The following ZFP91 variants were observed in gnomAD, a reference collection of about 807,000 sequenced individuals.
ZFP91 encodes the protein ZFP91 zinc finger protein, atypical E3 ubiquitin ligase.
In ZFP91, 7 loss-of-function variants were observed where a neutral mutation model predicts 63.5. The ratio of observed to expected loss-of-function variants is 0.11; its 90% CI spans 0.06 to 0.21. The LOEUF is 0.21. ZFP91 is among the 10% of genes least tolerant of loss of function. The probability of loss-of-function intolerance (pLI) is 1.00; values close to 1 mark genes in which losing one functional copy is unlikely to be tolerated. For missense variants in ZFP91, 628 were observed against 736.6 expected, an observed-to-expected ratio of 0.85 and a Z score of 1.71; for synonymous variants, 330 against 272.1, an observed-to-expected ratio of 1.21 and a Z score of -2.10.
intron 2 of ZFP91, among the ~76,000 whole-genome samples, chr11:58,604,730 A>G (rs1855543693): frequency 6.6e-6 from 1 of 152,146 alleles, no homozygotes; most frequent in Non-Finnish European, 1.5e-5. Context: ...ACACATTATG[A>G]GTTCTTTTTT....
At chr11:58,610,891 A>G in intron 4 of ZFP91, 59 bp from the exon 5 acceptor site, 1 of 1,493,908 alleles carries the variant, frequency 6.7e-7, no homozygotes. Flanking sequence ...ACCAAATAAA[A>G]TCCCCTCAGA....
At chr11:58,583,082 T>C (rs937536413) in intron 1 of ZFP91, among the ~76,000 whole-genome samples, 1 of 152,160 alleles carries the variant, frequency 6.6e-6, no homozygotes, top group Admixed American at 6.5e-5. Context: ...TAAAATCTAG[T>C]AGCATTAGTA....
intron 2 of ZFP91, among the ~76,000 whole-genome samples, chr11:58,598,931 C>T (rs1018386637): frequency 1.3e-5 from 2 of 152,032 alleles, no homozygotes; most frequent in Non-Finnish European, 2.9e-5. Context: ...ACAAAGGAGA[C>T]CCCTGTACCC....
chr11:58,589,900 TATTTC>T (rs1855275828), intron 2 of ZFP91, among the ~76,000 whole-genome samples: 1 of 152,236 alleles, frequency 6.6e-6, no homozygotes, highest in African/African-American at 2.4e-5. Context: ...ATCATCAGCT[TATTTC>T]AGTTATGGGA....
chr11:58,610,018 A>G lies in ZFP91; in HGVS notation c.559A>G (p.Asn187Asp), dbSNP rs1855633003. Residue 187 changes from asparagine (N) to aspartate (D), a missense_variant, in exon 3 of 11, where the codon AAT (asparagine) becomes GAT (aspartate). Physicochemically the swap from Asn to Asp is conservative, Grantham distance 23. This residue lies in a region of ZFP91 where 437 missense variants were observed against 380.3 expected (regional missense o/e 1.15). Coordinates refer to ENST00000316059, the MANE Select transcript of ZFP91 (RefSeq NM_053023.5). ...SLQLICKSEP[N>D]TDQLDYDVGE... is the part of the protein sequence containing the mutation. ...GCAGCTCATTTGCAAGTCAGAACCA[A>G]ATACAGACCAACTTGATTATGGTAC... is the stretch of plus-strand genomic sequence containing the variant. The G allele has an allele frequency of 3.1e-6, 5 of 1,614,210 alleles. No homozygotes were observed. Among genetic ancestry groups the G allele is most frequent in the Non-Finnish European group, 4.2e-6 (5 of 1,180,028 alleles).
chr11:58,590,252 G>C (rs1280089009), intron 2 of ZFP91, among the ~76,000 whole-genome samples: 1 of 152,206 alleles, frequency 6.6e-6, no homozygotes, highest in East Asian at 1.9e-4. Context: ...TGACTGTTAA[G>C]TTCAAGAAAG....
intron 2 of ZFP91, among the ~76,000 whole-genome samples, chr11:58,600,622 TCTTC>T (rs1333957231): frequency 6.6e-6 from 1 of 152,158 alleles, no homozygotes; most frequent in Non-Finnish European, 1.5e-5. Context: ...CAGTTTTACT[TCTTC>T]CTTTTCACTT....
rs749072977 is a variant in ZFP91, at chr11:58,617,689, G to C, written c.1696G>C (p.Asp566His). The C allele has an allele frequency of 1.3e-6, 2 of 1,509,592 alleles. No individual in the cohort carries two copies. The allele number at this position is 1,509,592 out of a possible 1,614,324, so 93.5% of individuals were successfully genotyped here. ...ATTEVLIEDS[D>H]SAGP ...CACAGAGGTTCTGATTGAAGATTCA[G>C]ACTCTGCCGGACCTTAGTGGACAGG... Residue 566 changes from aspartate (D) to histidine (H), a missense_variant, in exon 11 of 11, where the codon GAC (aspartate) becomes CAC (histidine). Physicochemically the swap from Asp to His is moderately conservative, Grantham distance 81. This residue lies in a region of ZFP91 where 115 missense variants were observed against 125.4 expected (regional missense o/e 0.92). Coordinates refer to ENST00000316059, the MANE Select transcript of ZFP91 (RefSeq NM_053023.5). This position sits in a 1 kb window ranked among gnomAD's most constrained non-coding sequence, Gnocchi z 4.2.
At chr11:58,616,672 C>T in intron 9 of ZFP91, 44 bp from the exon 10 acceptor site, 2 of 1,527,204 alleles carry the variant, frequency 1.3e-6, no homozygotes, top group South Asian at 1.1e-5. Flanking sequence ...AAAATATTTA[C>T]AGGGTATCTA....
chr11:58,593,684 T>C (rs1855346973), intron 2 of ZFP91, among the ~76,000 whole-genome samples: 1 of 152,248 alleles, frequency 6.6e-6, no homozygotes, highest in Non-Finnish European at 1.5e-5. Context: ...TAGCCCGCCC[T>C]GTCCTTTGAA....
chr11:58,610,541 G>A (rs913371672), intron 4 of ZFP91, among the ~76,000 whole-genome samples: 2 of 152,264 alleles, frequency 1.3e-5, no homozygotes, highest in East Asian at 1.9e-4. Context: ...ATCATGTCTT[G>A]AGTATCTTCT....
chr11:58,591,233 C>T (rs1295575175), intron 2 of ZFP91, among the ~76,000 whole-genome samples: 1 of 152,164 alleles, frequency 6.6e-6, no homozygotes, highest in African/African-American at 2.4e-5. Flanking sequence ...ATACAGTAGG[C>T]ACTCTTTTGT....
intron 8 of ZFP91, 29 bp downstream of exon 8, chr11:58,612,869 T>G: frequency 6.3e-7 from 1 of 1,585,830 alleles, no homozygotes. Flanking sequence ...TAAGAGCCTT[T>G]CAGGTTGTGT....
chr11:58,579,256 A>AG lies in ZFP91; in HGVS notation c.-21dup. 1 of 1,378,370 alleles carries AG rather than the reference A, an allele frequency of 7.3e-7. No homozygotes were observed. Among genetic ancestry groups the AG allele is most frequent in the Non-Finnish European group, 9.3e-7 (1 of 1,077,770 alleles). 85.4% of individuals were successfully genotyped at this position (1,378,370 alleles called of 1,614,324 possible). ...GCCTCCGCCTCCGCCGCCTAGGACT[A>AG]GGGGGTGGGGGACGGACAAGCCCCG... On this transcript the variant is annotated 5_prime_UTR_variant, in exon 1 of 11. Coordinates refer to ENST00000316059, the MANE Select transcript of ZFP91 (RefSeq NM_053023.5).
intron 6 of ZFP91, 77 bp from the exon 7 acceptor site, chr11:58,612,201 G>T (rs1855676576): frequency 7.1e-7 from 1 of 1,408,238 alleles, no homozygotes; most frequent in Non-Finnish European, 1.0e-6. Context: ...GTGTGTGTGT[G>T]TGTGTGTCTT....
rs1001851263 is a variant in ZFP91, at chr11:58,617,096, G to GTGTGTGTA, written c.1203-97_1203-96insGTGTATGT. On this transcript the variant is annotated intron_variant, in intron 10 of 10. Coordinates refer to ENST00000316059, the MANE Select transcript of ZFP91 (RefSeq NM_053023.5). The surrounding 1 kb of genome is among the most constrained non-coding windows in gnomAD (Gnocchi z 4.2). Reference sequence around the variant, plus strand: ...TGTGTGTGTGTGTGTGTGTGTGTGTGTGTATGTATATATATGCTCTAAACT... The same window carrying GTGTGTGTA: ...TGTGTGTGTGTGTGTGTGTGTGTGTGTGTGTGTATGTATGTATATATATGCTCTAAACT... 5 of 1,011,994 alleles carry GTGTGTGTA rather than the reference G, an allele frequency of 4.9e-6. No homozygotes were observed. The highest frequency in any genetic ancestry group is 3.2e-5 in the African/African-American group (2 of 61,772). 62.7% of individuals were successfully genotyped at this position (1,011,994 alleles called of 1,614,324 possible). A position where few individuals can be genotyped will look rare whatever the true frequency, so the allele number is the denominator to read the frequency against.
At chr11:58,613,837 C>G (rs1255687814) in intron 8 of ZFP91, among the ~76,000 whole-genome samples, 3 of 152,132 alleles carry the variant, frequency 2.0e-5, no homozygotes, top group Admixed American at 2.0e-4. Context: ...ACACGAAGGC[C>G]TTCTTCTGGA....
Position 58,579,458 on chromosome 11 carries a change from C to G in ZFP91, c.177C>G (p.Ala59=), listed in dbSNP as rs2134381042. The G allele has an allele frequency of 2.1e-6, 3 of 1,454,798 alleles. No individual in the cohort carries two copies. The highest frequency in any genetic ancestry group is 2.7e-6 in the Non-Finnish European group (3 of 1,112,492). The allele number at this position is 1,454,798 out of a possible 1,614,324, so 90.1% of individuals were successfully genotyped here. A position where few individuals can be genotyped will look rare whatever the true frequency, so the allele number is the denominator to read the frequency against. The part of the protein sequence containing the change: ...VLRGGRDRGR[A]AAAAAAAAVS... ...GGGGAGGTCGGGACCGAGGCCGGGC[C>G]GCTGCGGCCGCCGCCGCCGCAGCTG... is the stretch of plus-strand genomic sequence containing the variant. Residue 59 remains alanine (A), a synonymous_variant, in exon 1 of 11, where the codon GCC becomes GCG. Transcript: ENST00000316059.
In ZFP91 at chr11:58,621,499, C is replaced by CTG. The variant is rs1855851920; in HGVS notation, c.*3795_*3796dup. 6.6e-6 allele frequency among the ~76,000 whole-genome samples: 1 copy of CTG among 152,168 alleles called. No homozygotes were observed. Among genetic ancestry groups the CTG allele is most frequent in the Non-Finnish European group, 1.5e-5 (1 of 68,026 alleles). ...TGCTGTGATAGCTGCCCAGGCTGCT[C>CTG]TGTTACATCTCCCATTTATTGTTTA... On this transcript the variant is annotated 3_prime_UTR_variant, in exon 11 of 11. Coordinates refer to ENST00000316059, the MANE Select transcript of ZFP91 (RefSeq NM_053023.5).
Sources: gnomAD v4.1 joint callset for allele counts (sites outside exome capture counted in the v4.1 genomes callset) on GRCh38, gnomAD v4.1.1 for gene constraint, gnomAD v4.1.1 regional missense constraint, Gnocchi (gnomAD v3.1) non-coding constraint, MANE v1.5 for transcripts, NCBI Gene and HGNC (gene_info 2026-07-23, HGNC 2026-07-21) for gene names.